Variants in GPC5 observed in about 807,000 individuals in gnomAD.
GPC5 encodes glypican 5, also known as glypican-5.
In GPC5, 47 loss-of-function variants were observed where a neutral mutation model predicts 53.9. The ratio of observed to expected loss-of-function variants is 0.87; its 90% CI spans 0.69 to 1.11. GPC5 has a LOEUF of 1.11. Ranked by LOEUF, GPC5 falls within the 50% of genes most tolerant of loss-of-function variation. The pLI, the probability that GPC5 is intolerant of heterozygous loss-of-function variation, is 0.00. For missense variants in GPC5, 748 were observed against 713.1 expected (o/e 1.05, Z -0.56); for synonymous variants, 286 against 263.3 (o/e 1.09, Z -0.84).
intron 7 of GPC5, among the ~76,000 whole-genome samples, chr13:92,590,858 A>G (rs370013243): frequency 6.6e-6 from 1 of 152,164 alleles, no homozygotes; most frequent in African/African-American, 2.4e-5. Context: ...CCAGATAGCT[A>G]TGAGCTTATG....
intron 7 of GPC5, among the ~76,000 whole-genome samples, chr13:92,539,084 G>A (rs1269973813): frequency 6.9e-6 from 1 of 144,328 alleles, no homozygotes; most frequent in Non-Finnish European, 1.5e-5. Flanking sequence ...AATCCTTTGG[G>A]TATATAGTAG....
chr13:92,516,244 A>G (rs570954596), intron 7 of GPC5, among the ~76,000 whole-genome samples: 1 of 152,272 alleles, frequency 6.6e-6, no homozygotes, highest in South Asian at 2.1e-4. Context: ...AGGTCTACAC[A>G]AGAAAATAAT....
chr13:92,410,194 T>G (rs1480040269), intron 7 of GPC5, among the ~76,000 whole-genome samples: 1 of 152,144 alleles, frequency 6.6e-6, no homozygotes, highest in African/African-American at 2.4e-5. Flanking sequence ...AGGGTTTCTG[T>G]ATTGTGTAGT....
At chr13:92,567,931 C>T (rs578163865) in intron 7 of GPC5, among the ~76,000 whole-genome samples, 13 of 151,890 alleles carry the variant, frequency 8.6e-5, no homozygotes, top group South Asian at 4.2e-4. Context: ...CTGATTTAAA[C>T]GAATGATAAT....
At chr13:91,575,662 A>G (rs1482134034) in intron 2 of GPC5, among the ~76,000 whole-genome samples, 15 of 152,060 alleles carry the variant, frequency 9.9e-5, no homozygotes, top group Non-Finnish European at 2.2e-4. Context: ...TCCTCTGTGT[A>G]TGTTAATTAG....
chr13:91,566,775 TATC>T (rs1389933303), intron 2 of GPC5, among the ~76,000 whole-genome samples: 1 of 152,156 alleles, frequency 6.6e-6, no homozygotes, highest in Admixed American at 6.6e-5. Flanking sequence ...AAGCACATCA[TATC>T]TATATGAAAT....
intron 5 of GPC5, among the ~76,000 whole-genome samples, chr13:91,810,032 C>T (rs1034614995): frequency 2.0e-5 from 3 of 151,838 alleles, no homozygotes; most frequent in Admixed American, 2.0e-4. Context: ...ATAAAATTGT[C>T]TTAAGTGGTT....
chr13:92,411,988 A>G (rs1876064692), intron 7 of GPC5, among the ~76,000 whole-genome samples: 1 of 152,172 alleles, frequency 6.6e-6, no homozygotes, highest in Non-Finnish European at 1.5e-5. Context: ...ATCTCTGTGT[A>G]GGTATCCATG....
chr13:91,654,719 G>C (rs189203421), intron 2 of GPC5, among the ~76,000 whole-genome samples: 62 of 152,182 alleles, frequency 4.1e-4, no homozygotes, highest in African/African-American at 1.4e-3. Flanking sequence ...AGTGCATTTA[G>C]CACAATGCCT....
intron 7 of GPC5, among the ~76,000 whole-genome samples, chr13:92,702,800 T>G (rs1347287469): frequency 6.6e-6 from 1 of 152,024 alleles, no homozygotes; most frequent in Non-Finnish European, 1.5e-5. Context: ...AGCTAATCGG[T>G]GTCTTGCATA....
At chr13:92,608,345 G>A (rs1487886053) in intron 7 of GPC5, among the ~76,000 whole-genome samples, 2 of 152,186 alleles carry the variant, frequency 1.3e-5, no homozygotes, top group African/African-American at 4.8e-5. Context: ...ACTTAGCCAT[G>A]TATTTGACCA....
chr13:92,330,044 T>A (rs964895522), intron 7 of GPC5, among the ~76,000 whole-genome samples: 5 of 152,188 alleles, frequency 3.3e-5, no homozygotes, highest in Admixed American at 6.6e-5. Context: ...AGCCAACTTT[T>A]CCTAATTAGT....
At chr13:92,643,331 G>A (rs540615586) in intron 7 of GPC5, among the ~76,000 whole-genome samples, 2 of 152,198 alleles carry the variant, frequency 1.3e-5, no homozygotes, top group African/African-American at 4.8e-5. Context: ...ATGCCTCAGG[G>A]ATCTAGAACT....
At chr13:91,524,685 G>A (rs1423184983) in intron 2 of GPC5, among the ~76,000 whole-genome samples, 1 of 152,124 alleles carries the variant, frequency 6.6e-6, no homozygotes, top group Non-Finnish European at 1.5e-5. Flanking sequence ...ACTTGCTGCT[G>A]CAGCTAGGAA....
At chr13:92,634,890 T>C (rs1885365069) in intron 7 of GPC5, among the ~76,000 whole-genome samples, 1 of 152,046 alleles carries the variant, frequency 6.6e-6, no homozygotes, top group Non-Finnish European at 1.5e-5. Context: ...TAATGCTTTC[T>C]TAATTCAGCT....
intron 1 of GPC5, among the ~76,000 whole-genome samples, chr13:91,410,117 A>G (rs983361751): frequency 2.0e-5 from 3 of 152,136 alleles, no homozygotes; most frequent in Non-Finnish European, 2.9e-5. Flanking sequence ...AAATGACCCA[A>G]CCTCTCAGAA....
chr13:91,719,065 T>C (rs1008908780), intron 3 of GPC5, among the ~76,000 whole-genome samples: 3 of 152,182 alleles, frequency 2.0e-5, no homozygotes, highest in African/African-American at 7.2e-5. Context: ...AACCTACATT[T>C]ATTTATTTAT....
At chr13:91,608,790 G>A in intron 2 of GPC5, among the ~76,000 whole-genome samples, 1 of 151,840 alleles carries the variant, frequency 6.6e-6, no homozygotes, top group Admixed American at 6.6e-5. Flanking sequence ...TGTGTAATAA[G>A]ATTTAGAAAG....
chr13:92,596,723 T>TG (rs1220142369), intron 7 of GPC5, among the ~76,000 whole-genome samples: 1 of 152,176 alleles, frequency 6.6e-6, no homozygotes, highest in Non-Finnish European at 1.5e-5. Context: ...CCACCTGCCT[T>TG]GGCTTCCCAA....
Sources: gnomAD v4.1 joint callset for allele counts (sites outside exome capture counted in the v4.1 genomes callset) on GRCh38, gnomAD v4.1.1 for gene constraint, MANE v1.5 for transcripts, NCBI Gene and HGNC (gene_info 2026-07-23, HGNC 2026-07-21) for gene names.